Variants in KCNH7 observed in about 807,000 individuals in gnomAD.
The protein encoded by KCNH7 is voltage-gated inwardly rectifying potassium channel KCNH7.
KCNH7 carries 49 observed loss-of-function variants against 120.8 expected under a neutral mutation model. The observed-to-expected ratio is 0.41, with a 90% CI of 0.32 to 0.51. The LOEUF is 0.51. KCNH7 is among the 20% of genes least tolerant of loss of function. KCNH7 has a pLI of 0.38. For synonymous variants in KCNH7, 547 were observed against 516.1 expected (o/e 1.06, Z -0.81); for missense variants, 1,097 against 1,446.6 (o/e 0.76, Z 3.92).
intron 2 of KCNH7, among the ~76,000 whole-genome samples, chr2:162,551,426 G>A (rs1221087203): frequency 1.3e-5 from 2 of 151,776 alleles, no homozygotes; most frequent in African/African-American, 4.8e-5. Flanking sequence ...AAGAGAATTG[G>A]AAAACCTAGC....
rs572872255 is a variant in KCNH7 at position 162,416,932 on chromosome 2, A to G, written c.2154+6404T>C. Among the ~76,000 whole-genome samples the G allele has an allele frequency of 1.3e-4, 20 of 152,320 alleles. No homozygotes were observed. In the East Asian group the frequency reaches 3.9e-3, roughly 29 times the overall value. The stretch of plus-strand genomic sequence containing the variant: ...TTATGTATTTTTTCCATCCACACTC[A>G]TCCACATGGATTGCAATATGTCTAA... On this transcript the variant is annotated intron_variant, in intron 9 of 15. Transcript: ENST00000332142.
At chr2:162,834,622 T>C (rs1448541633) in intron 2 of KCNH7, among the ~76,000 whole-genome samples, 1 of 152,112 alleles carries the variant, frequency 6.6e-6, no homozygotes, top group Non-Finnish European at 1.5e-5. Flanking sequence ...TATTTGTCAA[T>C]ATACTAATAT....
intron 7 of KCNH7, among the ~76,000 whole-genome samples, chr2:162,436,679 A>G (rs1220786763): frequency 6.6e-6 from 1 of 152,154 alleles, no homozygotes; most frequent in Non-Finnish European, 1.5e-5. Context: ...GTTGCTGCTT[A>G]TTTCCCAAAG....
intron 6 of KCNH7, among the ~76,000 whole-genome samples, chr2:162,448,816 T>G (rs1688671173): frequency 6.6e-6 from 1 of 152,004 alleles, no homozygotes; most frequent in Non-Finnish European, 1.5e-5. Context: ...ACACTGTCCC[T>G]GAGATCTTGG....
chr2:162,574,250 G>A (rs768689736), intron 2 of KCNH7, among the ~76,000 whole-genome samples: 11 of 152,002 alleles, frequency 7.2e-5, no homozygotes, highest in Non-Finnish European at 1.2e-4. Flanking sequence ...CAAATGTGAC[G>A]GCTTGGGAGA....
intron 2 of KCNH7, among the ~76,000 whole-genome samples, chr2:162,715,586 C>G (rs530687911): frequency 6.6e-6 from 1 of 152,148 alleles, no homozygotes; most frequent in Non-Finnish European, 1.5e-5. Context: ...AATTATCTTG[C>G]CCCATATTCT....
intron 7 of KCNH7, among the ~76,000 whole-genome samples, chr2:162,441,756 A>AC (rs1382670700): frequency 6.6e-6 from 1 of 152,088 alleles, no homozygotes; most frequent in Non-Finnish European, 1.5e-5. Context: ...ACACAGAAAA[A>AC]ATTTGCCAAT....
chr2:162,733,022 A>T (rs1179812018), intron 2 of KCNH7, among the ~76,000 whole-genome samples: 1 of 152,228 alleles, frequency 6.6e-6, no homozygotes, highest in African/African-American at 2.4e-5. Flanking sequence ...ATATTTAGCA[A>T]CAGTGGGAGT....
At chr2:162,744,208 A>T (rs1287017632) in intron 2 of KCNH7, among the ~76,000 whole-genome samples, 1 of 152,198 alleles carries the variant, frequency 6.6e-6, no homozygotes, top group Non-Finnish European at 1.5e-5. Flanking sequence ...ATCACAGAGG[A>T]TTTAAAAGAC....
chr2:162,630,698 T>C (rs1683736019), intron 2 of KCNH7, among the ~76,000 whole-genome samples: 1 of 152,060 alleles, frequency 6.6e-6, no homozygotes, highest in Non-Finnish European at 1.5e-5. Context: ...AAACACAGAT[T>C]AGCAATATTA....
chr2:162,408,924 A>G (rs1687307004), intron 9 of KCNH7, among the ~76,000 whole-genome samples: 1 of 151,770 alleles, frequency 6.6e-6, no homozygotes. Context: ...AAAAATGATA[A>G]TATTTCATTT....
At chr2:162,807,256 CAAAAAAAA>C (rs745345993) in intron 2 of KCNH7, among the ~76,000 whole-genome samples, 16 of 15,628 alleles carry the variant, frequency 1.0e-3, no homozygotes, top group African/African-American at 2.0e-3. Context: ...ACTAAAAATA[CAAAAAAAA>C]AAAAAAAAAA....
chr2:162,439,851 A>T (rs1234150846), intron 7 of KCNH7, among the ~76,000 whole-genome samples: 1 of 151,650 alleles, frequency 6.6e-6, no homozygotes, highest in Non-Finnish European at 1.5e-5. Flanking sequence ...TATATATTCT[A>T]AACAATGAAG....
intron 9 of KCNH7, among the ~76,000 whole-genome samples, chr2:162,418,449 C>T (rs976864150): frequency 6.6e-6 from 1 of 152,090 alleles, no homozygotes; most frequent in African/African-American, 2.4e-5. Context: ...AGGCAAGCCA[C>T]GCTACTTTGC....
In KCNH7 at chr2:162,691,516, T is replaced by C. The variant is rs189614998; in HGVS notation, c.307+145021A>G. On this transcript the variant is annotated intron_variant, in intron 2 of 15. Coordinates refer to ENST00000332142, the MANE Select transcript of KCNH7 (RefSeq NM_033272.4). The stretch of plus-strand genomic sequence containing the variant: ...TTTTATAGTAGCAAATTCTTTAAAA[T>C]GATGAATTATAGGAAAAACAAGAGA... Among the ~76,000 whole-genome samples, 72 of 152,256 alleles carry C rather than the reference T, an allele frequency of 4.7e-4. 1 individual carries two copies. In the East Asian group the frequency reaches 6.2e-3, roughly 13 times the overall value.
rs184297245 is a variant in KCNH7, at chr2:162,789,569, A to G, written c.307+46968T>C. Among the ~76,000 whole-genome samples the G allele has an allele frequency of 1.0e-3, 155 of 152,156 alleles. 1 individual carries two copies. Among genetic ancestry groups the G allele is most frequent in the South Asian group, 2.5e-3 (12 of 4,830 alleles). Reference sequence around the variant, plus strand: ...CACAGCGGAATACATGTTCTTCTCTAGCACACATAGAATGTTATCCAGGAT... The same window carrying G: ...CACAGCGGAATACATGTTCTTCTCTGGCACACATAGAATGTTATCCAGGAT... On this transcript the variant is annotated intron_variant, in intron 2 of 15. Transcript: ENST00000332142.
At chr2:162,711,955 C>A (rs1283381671) in intron 2 of KCNH7, among the ~76,000 whole-genome samples, 1 of 152,122 alleles carries the variant, frequency 6.6e-6, no homozygotes, top group Admixed American at 6.5e-5. Context: ...AGAGCAGTTT[C>A]TTGGTCTTCT....
intron 12 of KCNH7, among the ~76,000 whole-genome samples, chr2:162,385,860 A>T (rs1169662029): frequency 6.6e-6 from 1 of 151,918 alleles, no homozygotes; most frequent in Non-Finnish European, 1.5e-5. Context: ...CATGCCAGAG[A>T]AACTTCCAAC....
intron 2 of KCNH7, among the ~76,000 whole-genome samples, chr2:162,656,338 G>T (rs912870372): frequency 2.6e-5 from 4 of 152,080 alleles, no homozygotes; most frequent in African/African-American, 9.7e-5. Context: ...ATAAAATAGT[G>T]GTATGTATAT....
Sources: gnomAD v4.1 joint callset for allele counts (sites outside exome capture counted in the v4.1 genomes callset) on GRCh38, gnomAD v4.1.1 for gene constraint, MANE v1.5 for transcripts, NCBI Gene and HGNC (gene_info 2026-07-23, HGNC 2026-07-21) for gene names.